The following PTPRG variants were observed in gnomAD, a reference collection of about 807,000 sequenced individuals.
PTPRG encodes the protein protein tyrosine phosphatase receptor type G, also known as receptor-type tyrosine-protein phosphatase gamma.
PTPRG carries 102 observed loss-of-function variants against 165.3 expected under a neutral mutation model. The observed-to-expected ratio is 0.62, with a 90% confidence interval of 0.53 to 0.73. The LOEUF is 0.73. PTPRG is among the 30% of genes least tolerant of loss of function. The probability of loss-of-function intolerance (pLI) is 0.00; values close to 1 mark genes in which losing one functional copy is unlikely to be tolerated. For synonymous variants in PTPRG, 675 were observed against 669.5 expected (o/e 1.01, Z -0.13); for missense variants, 1,866 against 1,861.4 (o/e 1.00, Z -0.05).
At chr3:62,256,438 C>T (rs1027762628) in intron 16 of PTPRG, among the ~76,000 whole-genome samples, 9 of 151,972 alleles carry the variant, frequency 5.9e-5, no homozygotes, top group Non-Finnish European at 1.0e-4. Context: ...TAGAAAGAAC[C>T]TCTGATTTAT....
intron 6 of PTPRG, among the ~76,000 whole-genome samples, chr3:62,141,140 T>C (rs1703911464): frequency 6.6e-6 from 1 of 152,166 alleles, no homozygotes; most frequent in African/African-American, 2.4e-5. Context: ...ATTAAAAATC[T>C]TGACAGTGTC....
Position 61,995,374 on chromosome 3 carries a change from G to C in PTPRG, c.370+5570G>C, listed in dbSNP as rs1242202832. On this transcript the variant is annotated intron_variant, in intron 3 of 29. Coordinates refer to ENST00000474889, the MANE Select transcript of PTPRG (RefSeq NM_002841.4). ...CAAAGTGCTGGGATTACAGGCATGAGCCACTGCGCCTGGCTCATTACAAGG... is the reference window on the plus strand; with the variant it reads ...CAAAGTGCTGGGATTACAGGCATGACCCACTGCGCCTGGCTCATTACAAGG... Among the ~76,000 whole-genome samples the C allele has an allele frequency of 8.5e-5, 13 of 152,194 alleles. No homozygotes were observed. In the East Asian group the frequency reaches 2.3e-3, roughly 27 times the overall value.
At chr3:61,831,374 G>A (rs2036288274) in intron 2 of PTPRG, among the ~76,000 whole-genome samples, 1 of 152,210 alleles carries the variant, frequency 6.6e-6, no homozygotes, top group Non-Finnish European at 1.5e-5. Context: ...CATTTGACTT[G>A]CATAAAATCA....
At chr3:61,655,544 G>A (rs1702486218) in intron 1 of PTPRG, among the ~76,000 whole-genome samples, 2 of 152,154 alleles carry the variant, frequency 1.3e-5, no homozygotes, top group South Asian at 4.1e-4. Flanking sequence ...TTTTCTTGAA[G>A]ATATGTATCT....
At chr3:61,633,651 T>C (rs373847922) in intron 1 of PTPRG, among the ~76,000 whole-genome samples, 12 of 152,346 alleles carry the variant, frequency 7.9e-5, no homozygotes, top group African/African-American at 2.9e-4. Context: ...GTTTTACTTA[T>C]TCTTTTCCAA....
intron 2 of PTPRG, among the ~76,000 whole-genome samples, chr3:61,780,622 T>G (rs574208026): frequency 6.6e-6 from 1 of 152,326 alleles, no homozygotes; most frequent in South Asian, 2.1e-4. Context: ...GGAGCCTGCA[T>G]TCTTCCCTGA....
chr3:61,860,505 A>G (rs1217970798), intron 2 of PTPRG, among the ~76,000 whole-genome samples: 1 of 141,584 alleles, frequency 7.1e-6, no homozygotes, highest in Admixed American at 7.7e-5. Flanking sequence ...CACTGGCACA[A>G]TCTTGGCTCA....
intron 1 of PTPRG, among the ~76,000 whole-genome samples, chr3:61,742,195 C>T (rs1289479847): frequency 6.6e-6 from 1 of 152,078 alleles, no homozygotes; most frequent in African/African-American, 2.4e-5. Flanking sequence ...GTAAGGATTA[C>T]ACAGAATCCT....
At chr3:61,639,063 T>G (rs958916622) in intron 1 of PTPRG, among the ~76,000 whole-genome samples, 1 of 152,212 alleles carries the variant, frequency 6.6e-6, no homozygotes, top group Non-Finnish European at 1.5e-5. Flanking sequence ...ATTTAAATCT[T>G]TAATCCATCT....
intron 2 of PTPRG, among the ~76,000 whole-genome samples, chr3:61,971,634 T>C (rs1404470588): frequency 1.3e-5 from 2 of 152,222 alleles, no homozygotes; most frequent in East Asian, 3.9e-4. Context: ...GACTACATTT[T>C]ATAACAAGAG....
chr3:61,987,893 GTTTGGCCAAAATAAAA>G (rs1478316562), intron 2 of PTPRG, among the ~76,000 whole-genome samples: 38 of 152,090 alleles, frequency 2.5e-4, no homozygotes, highest in Admixed American at 6.5e-4. Context: ...TGAAAATAAA[GTTTGGCCAAAATAAAA>G]TTTGGCTAAA....
intron 1 of PTPRG, among the ~76,000 whole-genome samples, chr3:61,717,102 T>C (rs1036150128): frequency 1.3e-5 from 2 of 152,252 alleles, no homozygotes; most frequent in African/African-American, 2.4e-5. Context: ...TTAATTGTTA[T>C]ATAGCTGTTT....
At chr3:61,905,995 T>G (rs1194236799) in intron 2 of PTPRG, among the ~76,000 whole-genome samples, 1 of 152,120 alleles carries the variant, frequency 6.6e-6, no homozygotes, top group Non-Finnish European at 1.5e-5. Context: ...TTCATTAGTG[T>G]GTTTTATTTC....
At chr3:61,617,100 G>A (rs192456230) in intron 1 of PTPRG, among the ~76,000 whole-genome samples, 2 of 152,294 alleles carry the variant, frequency 1.3e-5, no homozygotes, top group African/African-American at 4.8e-5. Context: ...TGTTATAAAA[G>A]ATTTCACTCT....
At chr3:62,010,298 C>T (rs138344256) in intron 4 of PTPRG, among the ~76,000 whole-genome samples, 2,368 of 152,058 alleles carry the variant, frequency 0.016, 29 homozygotes, top group South Asian at 0.055. Flanking sequence ...AAGAGTCCTC[C>T]GCTGAAGAAT....
chr3:61,915,901 A>G (rs1311129028), intron 2 of PTPRG, among the ~76,000 whole-genome samples: 2 of 152,228 alleles, frequency 1.3e-5, no homozygotes, highest in African/African-American at 4.8e-5. Context: ...GTTGCATTTT[A>G]TAACTCCTGG....
intron 5 of PTPRG, among the ~76,000 whole-genome samples, chr3:62,102,806 A>G (rs969254697): frequency 3.9e-5 from 6 of 152,202 alleles, no homozygotes; most frequent in Admixed American, 1.3e-4. Flanking sequence ...TTGGTTAGGA[A>G]AAAGAAGTGT....
intron 1 of PTPRG, among the ~76,000 whole-genome samples, chr3:61,688,308 T>A (rs1703705187): frequency 6.6e-6 from 1 of 152,230 alleles, no homozygotes. Flanking sequence ...GGCTGCATGC[T>A]GACTAGCGGA....
At chr3:61,837,087 G>T (rs2036489645) in intron 2 of PTPRG, among the ~76,000 whole-genome samples, 1 of 152,106 alleles carries the variant, frequency 6.6e-6, no homozygotes, top group Non-Finnish European at 1.5e-5. Context: ...GCCAATTTTT[G>T]TATTTTTGTA....
Sources: allele counts gnomAD v4.1 joint callset (sites outside exome capture counted in the v4.1 genomes callset), GRCh38; gene constraint gnomAD v4.1.1; transcripts MANE v1.5; gene names NCBI Gene and HGNC (gene_info 2026-07-23, HGNC 2026-07-21).